Variants in HAVCR2 observed in about 807,000 individuals in gnomAD.
HAVCR2 encodes the protein T cell immunoglobulin mucin 3.
Under a neutral mutation model 24.7 loss-of-function variants are expected in HAVCR2, and 13 were observed. That is an observed-to-expected ratio of 0.53 (90% CI 0.34 to 0.84). HAVCR2 has a LOEUF of 0.84. Among genes scored for constraint, HAVCR2 ranks in the 40% least tolerant of loss-of-function variants. The pLI is 0.01. For synonymous variants in HAVCR2, 154 were observed against 143.4 expected (o/e 1.07, Z -0.53); for missense variants, 343 against 371.2 (o/e 0.92, Z 0.62).
At chr5:157,105,525 A>G (rs1581763257) in intron 2 of HAVCR2, among the ~76,000 whole-genome samples, 1 of 152,310 alleles carries the variant, frequency 6.6e-6, no homozygotes, top group Middle Eastern at 3.4e-3. Flanking sequence ...TGCCCAACCT[A>G]TAAAGGCTTT....
intron 1 of HAVCR2, chr5:157,107,217 CTT>C: frequency 2.2e-6 from 1 of 448,760 alleles, no homozygotes; most frequent in South Asian, 4.0e-5. Flanking sequence ...AGCCTGAGAA[CTT>C]TTATTTCTAA....
chr5:157,108,850 T>C, intron 1 of HAVCR2, 76 bp downstream of exon 1: 2 of 1,390,930 alleles, frequency 1.4e-6, no homozygotes, highest in Non-Finnish European at 2.0e-6. Flanking sequence ...AACATTACAA[T>C]GGCCATCCTT....
rs966152483 is a variant in HAVCR2 at position 157,106,877 on chromosome 5, G to A, written c.144C>T (p.Leu48=). Reference sequence around the variant, plus strand: ...CTCCTTTGCCCCAGCAGACGGGCACGAGGTTCCCTGGGGCGGCTGGGGTGT... The same window carrying A: ...CTCCTTTGCCCCAGCAGACGGGCACAAGGTTCCCTGGGGCGGCTGGGGTGT... ...CFYTPAAPGN[L]VPVCWGKGAC... The change falls in exon 2 of 7, where the codon CTC becomes CTT. Residue 48 remains leucine (L), a synonymous_variant. Coordinates refer to ENST00000307851, the MANE Select transcript of HAVCR2 (RefSeq NM_032782.5). 5 of 1,614,208 alleles carry A rather than the reference G, an allele frequency of 3.1e-6. No individual in the cohort carries two copies. Among genetic ancestry groups the A allele is most frequent in the Non-Finnish European group, 3.4e-6 (4 of 1,180,032 alleles).
chr5:157,090,108 C>CTTTCT (rs1369557448), intron 5 of HAVCR2, among the ~76,000 whole-genome samples: 6 of 120,384 alleles, frequency 5.0e-5, no homozygotes, highest in Non-Finnish European at 1.0e-4. Flanking sequence ...TAAAATTTTC[C>CTTTCT]TTTCTTTTCT....
intron 2 of HAVCR2, 42 bp from the exon 3 acceptor site, chr5:157,104,791 C>A: frequency 7.2e-7 from 1 of 1,391,938 alleles, no homozygotes; most frequent in South Asian, 1.3e-5. Flanking sequence ...TATCTGAGAG[C>A]AGAAAGCTTA....
intron 5 of HAVCR2, among the ~76,000 whole-genome samples, chr5:157,089,493 G>A (rs1313554546): frequency 2.7e-5 from 4 of 149,672 alleles, no homozygotes; most frequent in Non-Finnish European, 3.0e-5. Flanking sequence ...CCAAGATTGC[G>A]CCATTGCACT....
At chr5:157,093,748 C>T (rs1225824754) in intron 5 of HAVCR2, among the ~76,000 whole-genome samples, 1 of 152,116 alleles carries the variant, frequency 6.6e-6, no homozygotes, top group African/African-American at 2.4e-5. Context: ...AGATCAAGAA[C>T]ATCTTGCCCA....
In HAVCR2 at chr5:157,095,379, T is replaced by G; in HGVS notation, c.603A>C (p.Ile201=). ...AGATCCCTGCTCCGATGTAGATGCC[T>G]ATTCTGATGGTTGCTCCAGAGTCCC... ...DLRDSGATIR[I]GIYIGAGICA... Residue 201 remains isoleucine (I), a synonymous_variant, in exon 5 of 7, where the codon ATA becomes ATC. Transcript: ENST00000307851. 1 of 1,614,174 alleles carries G rather than the reference T, an allele frequency of 6.2e-7. No homozygotes were observed. The highest frequency in any genetic ancestry group is 8.5e-7 in the Non-Finnish European group (1 of 1,180,024).
intron 5 of HAVCR2, among the ~76,000 whole-genome samples, chr5:157,090,407 C>A (rs1232254856): frequency 2.0e-5 from 3 of 151,908 alleles, no homozygotes; most frequent in African/African-American, 7.3e-5. Flanking sequence ...CCAGCCTGGG[C>A]AACATGGTAA....
At chr5:157,103,138 A>T (rs6874178) in intron 3 of HAVCR2, among the ~76,000 whole-genome samples, 126,519 of 151,870 alleles carry the variant, frequency 0.83, 52,837 homozygotes, top group East Asian at 0.99. Flanking sequence ...CCGAGGCGGG[A>T]GGATCACAAG....
rs34491013 is a variant in HAVCR2 at position 157,102,934 on chromosome 5, CAA to C, written c.478+1730_478+1731del. Among the ~76,000 whole-genome samples, 646 of 119,366 alleles carry C rather than the reference CAA, an allele frequency of 5.4e-3. 2 individuals carry two copies. Among genetic ancestry groups the C allele is most frequent in the Non-Finnish European group, 8.0e-3 (477 of 59,306 alleles). The allele number at this position is 119,366 out of a possible 152,430, so 78.3% of individuals were successfully genotyped here. ...TGGGTGAGAGAGTGAGACTCCGTCT[CAA>C]AAAAAAAAAAAAAGGAAAGAAAAAC... On this transcript the variant is annotated intron_variant, in intron 3 of 6. Transcript: ENST00000307851.
At chr5:157,104,952 T>C (rs1757225090) in intron 2 of HAVCR2, 1 of 370,012 alleles carries the variant, frequency 2.7e-6, no homozygotes, top group South Asian at 5.3e-5. Flanking sequence ...GCAGTCATCA[T>C]TGTTACATTC....
Position 157,087,183 on chromosome 5 carries a change from C to T in HAVCR2, c.825G>A (p.Glu275=), listed in dbSNP as rs1463249199. 6.2e-6 allele frequency: 10 copies of T among 1,613,938 alleles called. No individual in the cohort carries two copies. The highest frequency in any genetic ancestry group is 8.5e-6 in the Non-Finnish European group (10 of 1,180,000). ...YTIEENVYEV[E]EPNEYYCYVS... ...CATAGCAATAATACTCATTGGGCTC[C>T]TCCACTTCATATACGTTCTCTTCAA... is the stretch of plus-strand genomic sequence containing the variant. The change falls in exon 7 of 7, where the codon GAG becomes GAA. Residue 275 remains glutamate (E), a synonymous_variant. Transcript: ENST00000307851.
chr5:157,090,585 G>C (rs1352135695), intron 5 of HAVCR2, among the ~76,000 whole-genome samples: 5 of 151,974 alleles, frequency 3.3e-5, no homozygotes, highest in Admixed American at 1.3e-4. Flanking sequence ...ATCTCAATAT[G>C]TTGCCCAGGC....
intron 2 of HAVCR2, 199 bp from the exon 3 acceptor site, chr5:157,104,948 A>G (rs1757224971): frequency 1.0e-5 from 4 of 383,080 alleles, no homozygotes; most frequent in Non-Finnish European, 1.9e-5. Context: ...AGATGCAGTC[A>G]TCATTGTTAC....
At chr5:157,100,894 G>A (rs374293954) in intron 3 of HAVCR2, among the ~76,000 whole-genome samples, 130 of 152,154 alleles carry the variant, frequency 8.5e-4, no homozygotes, top group African/African-American at 2.9e-3. Flanking sequence ...TCAGGAGATC[G>A]AGACCATCCT....
chr5:157,088,495 C>T (rs1756948029), intron 6 of HAVCR2, among the ~76,000 whole-genome samples: 1 of 152,154 alleles, frequency 6.6e-6, no homozygotes, highest in African/African-American at 2.4e-5. Flanking sequence ...TGCATTAGTA[C>T]ACTTCAGTGC....
At chr5:157,087,631 C>T (rs556206083) in intron 6 of HAVCR2, among the ~76,000 whole-genome samples, 17 of 151,944 alleles carry the variant, frequency 1.1e-4, no homozygotes, top group Admixed American at 5.9e-4. Context: ...ATGGGCCGGG[C>T]GCCGTGGCTC....
chr5:157,105,582 G>A (rs1055676556), intron 2 of HAVCR2, among the ~76,000 whole-genome samples: 3 of 151,986 alleles, frequency 2.0e-5, no homozygotes, highest in South Asian at 2.1e-4. Flanking sequence ...CCACATGATC[G>A]GTATTATTGT....
Sources: gnomAD v4.1 joint callset for allele counts (sites outside exome capture counted in the v4.1 genomes callset) on GRCh38, gnomAD v4.1.1 for gene constraint, MANE v1.5 for transcripts, NCBI Gene and HGNC (gene_info 2026-07-23, HGNC 2026-07-21) for gene names.